The following RGS8 variants were observed in gnomAD, a reference collection of about 807,000 sequenced individuals.
RGS8 encodes the protein regulator of G protein signaling 8.
A neutral mutation model predicts 21.7 loss-of-function variants in RGS8; 8 were observed. The ratio of observed to expected loss-of-function variants is 0.37; its 90% CI spans 0.22 to 0.66. RGS8 has a LOEUF of 0.66. Among genes scored for constraint, RGS8 ranks in the 30% least tolerant of loss-of-function variants. The pLI, the probability that RGS8 is intolerant of heterozygous loss-of-function variation, is 0.59. For synonymous variants in RGS8, 80 were observed against 83.6 expected (o/e 0.96, Z 0.24); for missense variants, 157 against 217.9 (o/e 0.72, Z 1.76).
intron 1 of RGS8, among the ~76,000 whole-genome samples, chr1:182,681,837 C>A (rs558433187): frequency 3.6e-4 from 55 of 152,372 alleles, no homozygotes; most frequent in African/African-American, 1.3e-3. Flanking sequence ...TGGGAGGAAT[C>A]AACCTTAAGC....
chr1:182,696,499 A>G, the RGS8 span, among the ~76,000 whole-genome samples: 1 of 152,158 alleles, frequency 6.6e-6, no homozygotes, highest in South Asian at 2.1e-4. Flanking sequence ...CTGGGATTAC[A>G]GGCACCCACC....
chr1:182,731,372 A>G, the RGS8 span, among the ~76,000 whole-genome samples: 1 of 152,228 alleles, frequency 6.6e-6, no homozygotes, highest in Non-Finnish European at 1.5e-5. Context: ...CTTACCTGAT[A>G]CAGTAAAATA....
the RGS8 span, among the ~76,000 whole-genome samples, chr1:182,729,056 G>C: frequency 6.6e-6 from 1 of 152,214 alleles, no homozygotes; most frequent in Non-Finnish European, 1.5e-5. Context: ...AATGGGGTAA[G>C]GCAGGACAAC....
chr1:182,665,604 C>T (rs1304082434), intron 5 of RGS8, among the ~76,000 whole-genome samples: 1 of 152,162 alleles, frequency 6.6e-6, no homozygotes, highest in African/African-American at 2.4e-5. Flanking sequence ...CCATAATTTG[C>T]GGGGAGGCCA....
chr1:182,723,424 C>A, the RGS8 span, among the ~76,000 whole-genome samples: 1 of 152,196 alleles, frequency 6.6e-6, no homozygotes, highest in South Asian at 2.1e-4. Context: ...ACTACATGGG[C>A]CTGGCTCCAC....
upstream of RGS8, among the ~76,000 whole-genome samples, chr1:182,686,677 T>C (rs1407059851): frequency 6.6e-6 from 1 of 152,142 alleles, no homozygotes; most frequent in Admixed American, 6.5e-5. Flanking sequence ...GCTCTGTTGA[T>C]AGGCCAGGGC....
chr1:182,742,610 G>A, the RGS8 span, among the ~76,000 whole-genome samples: 2 of 152,232 alleles, frequency 1.3e-5, no homozygotes, highest in Admixed American at 6.5e-5. Flanking sequence ...GTGGTGGCGC[G>A]CGCCTGCAAT....
upstream of RGS8, among the ~76,000 whole-genome samples, chr1:182,676,016 A>T (rs1249379362): frequency 6.6e-6 from 1 of 152,214 alleles, no homozygotes; most frequent in African/African-American, 2.4e-5. Context: ...TGGTAGAAAC[A>T]TGTTAGACTT....
chr1:182,654,808 T>C (rs1430233903), intron 5 of RGS8, among the ~76,000 whole-genome samples: 2 of 152,138 alleles, frequency 1.3e-5, no homozygotes, highest in African/African-American at 4.8e-5. Flanking sequence ...AATTTGATGG[T>C]GCATCTATTA....
the RGS8 span, among the ~76,000 whole-genome samples, chr1:182,733,238 G>A: frequency 2.6e-5 from 4 of 152,284 alleles, no homozygotes; most frequent in South Asian, 8.3e-4. Flanking sequence ...CAATTTTGCA[G>A]CAAGATTATT....
At chr1:182,663,303 C>A (rs1386960965) in intron 5 of RGS8, among the ~76,000 whole-genome samples, 1 of 152,186 alleles carries the variant, frequency 6.6e-6, no homozygotes, top group East Asian at 1.9e-4. Flanking sequence ...TGCTCCATAG[C>A]CTTCACAGGG....
chr1:182,716,799 C>T, the RGS8 span, among the ~76,000 whole-genome samples: 1 of 152,126 alleles, frequency 6.6e-6, no homozygotes, highest in African/African-American at 2.4e-5. Context: ...CTCGGATCAT[C>T]ATCCAAGGTC....
At chr1:182,655,623 C>T (rs921015817) in intron 5 of RGS8, among the ~76,000 whole-genome samples, 1 of 152,198 alleles carries the variant, frequency 6.6e-6, no homozygotes, top group Non-Finnish European at 1.5e-5. Context: ...CTATCATTAA[C>T]TGTGTGACTT....
At chr1:182,647,015 A>G (rs1662735567) in intron 6 of RGS8, 98 bp from the exon 8 acceptor site, 2 of 1,027,754 alleles carry the variant, frequency 1.9e-6, no homozygotes, top group Non-Finnish European at 1.4e-6. Flanking sequence ...GACAGCATCT[A>G]CATATTTAAG....
the RGS8 span, among the ~76,000 whole-genome samples, chr1:182,744,357 T>C: frequency 1.3e-5 from 2 of 151,882 alleles, no homozygotes. Flanking sequence ...ACTCCTTGGC[T>C]CAAGCAATCC....
At chr1:182,730,425 T>A in the RGS8 span, among the ~76,000 whole-genome samples, 2 of 151,800 alleles carry the variant, frequency 1.3e-5, no homozygotes, top group African/African-American at 2.4e-5. Flanking sequence ...AAAAAAAAAA[T>A]TTGGCCGGGG....
intron 5 of RGS8, among the ~76,000 whole-genome samples, chr1:182,665,334 A>C (rs1663802402): frequency 6.6e-6 from 1 of 152,174 alleles, no homozygotes. Flanking sequence ...CCCTCTCCAC[A>C]CCACAATATG....
At chr1:182,732,269 T>TCACACACA in the RGS8 span, among the ~76,000 whole-genome samples, 336 of 126,434 alleles carry the variant, frequency 2.7e-3, 4 homozygotes, top group African/African-American at 8.0e-3. Flanking sequence ...GCTCTCTCTC[T>TCACACACA]CATACACACA....
exon 2 of RGS8, chr1:182,671,704 G>A (rs775321083): frequency 6.8e-6 from 11 of 1,614,056 alleles, no homozygotes; most frequent in Non-Finnish European, 2.5e-6. Flanking sequence ...CAACTGGATG[G>A]TCAGAGAGGC....
Sources: allele counts gnomAD v4.1 joint callset (sites outside exome capture counted in the v4.1 genomes callset), GRCh38; gene constraint gnomAD v4.1.1; transcripts MANE v1.5; gene names NCBI Gene and HGNC (gene_info 2026-07-23, HGNC 2026-07-21).